SIPA1L1: variants seen among roughly 807,000 people sequenced by gnomAD.
The protein encoded by SIPA1L1 is signal-induced proliferation-associated 1-like protein 1.
In SIPA1L1, 26 loss-of-function variants were observed where a neutral mutation model predicts 162.7. The observed-to-expected ratio is 0.16, with a 90% CI of 0.12 to 0.22. The LOEUF is 0.22. SIPA1L1 is among the 10% of genes least tolerant of loss of function. SIPA1L1 has a pLI of 1.00. For missense variants in SIPA1L1, 1,874 were observed against 2,241.0 expected (o/e 0.84, Z 3.31); for synonymous variants, 829 against 837.4 (o/e 0.99, Z 0.17).
chr14:71,731,816 T>G (rs1449094882), intron 20 of SIPA1L1, among the ~76,000 whole-genome samples: 2 of 152,196 alleles, frequency 1.3e-5, no homozygotes, highest in African/African-American at 4.8e-5. Context: ...GCCCCTTCCC[T>G]TCACTTTTTC....
At chr14:71,717,043 G>T (rs1427165641) in intron 17 of SIPA1L1, among the ~76,000 whole-genome samples, 6 of 152,312 alleles carry the variant, frequency 3.9e-5, no homozygotes, top group African/African-American at 1.4e-4. Flanking sequence ...GGGACTACAG[G>T]TGCATGCCTT....
intron 7 of SIPA1L1, among the ~76,000 whole-genome samples, chr14:71,637,376 T>A (rs2041268466): frequency 6.6e-6 from 1 of 152,154 alleles, no homozygotes; most frequent in Middle Eastern, 3.2e-3. Flanking sequence ...TTACATTGTA[T>A]TGTCATAATC....
intron 13 of SIPA1L1, among the ~76,000 whole-genome samples, chr14:71,686,224 A>T (rs1596976808): frequency 6.6e-6 from 1 of 152,334 alleles, no homozygotes; most frequent in East Asian, 1.9e-4. Context: ...GAGGGGTCCT[A>T]GAAAGTAAGA....
intron 17 of SIPA1L1, among the ~76,000 whole-genome samples, chr14:71,713,227 C>T (rs140629066): frequency 2.1e-4 from 32 of 152,246 alleles, no homozygotes; most frequent in African/African-American, 7.5e-4. Context: ...TGTTTTTTGC[C>T]TGATGACTCA....
intron 4 of SIPA1L1, among the ~76,000 whole-genome samples, chr14:71,585,866 T>C (rs542656844): frequency 1.3e-5 from 2 of 152,360 alleles, no homozygotes; most frequent in Non-Finnish European, 2.9e-5. Flanking sequence ...TGTTCAATTT[T>C]CCTTCCATTT....
At chr14:71,326,715 CTT>C (rs34173331) in intron 2 of SIPA1L1, among the ~76,000 whole-genome samples, 16 of 107,426 alleles carry the variant, frequency 1.5e-4, no homozygotes, top group Non-Finnish European at 2.1e-4. Context: ...ATGTAATTTG[CTT>C]TTTTTTTTTT....
At chr14:71,329,067 C>T (rs2034188582) in intron 2 of SIPA1L1, among the ~76,000 whole-genome samples, 1 of 152,104 alleles carries the variant, frequency 6.6e-6, no homozygotes, top group Admixed American at 6.5e-5. Flanking sequence ...GCATAAAATC[C>T]TCAAGGTTCA....
intron 2 of SIPA1L1, among the ~76,000 whole-genome samples, chr14:71,477,282 T>G (rs140023480): frequency 6.6e-4 from 101 of 152,232 alleles, no homozygotes; most frequent in African/African-American, 2.3e-3. Flanking sequence ...AAAGTTCTTT[T>G]ATGTTATACT....
chr14:71,348,426 C>T (rs1488989965), intron 2 of SIPA1L1, among the ~76,000 whole-genome samples: 2 of 152,052 alleles, frequency 1.3e-5, no homozygotes, highest in African/African-American at 4.8e-5. Context: ...CATGTATTTC[C>T]TGTAGTTCAT....
chr14:71,421,151 G>A (rs2877729), intron 2 of SIPA1L1, among the ~76,000 whole-genome samples: 24,885 of 152,078 alleles, frequency 0.16, 2,651 homozygotes, highest in Middle Eastern at 0.35. Flanking sequence ...ATCATATTGC[G>A]CATACTGTTT....
At chr14:71,361,387 T>C (rs2037799768) in intron 2 of SIPA1L1, among the ~76,000 whole-genome samples, 1 of 152,184 alleles carries the variant, frequency 6.6e-6, no homozygotes, top group South Asian at 2.1e-4. Context: ...GTTCATGATA[T>C]GCTTAGTGCT....
At chr14:71,469,750 T>G (rs1198688095) in intron 2 of SIPA1L1, among the ~76,000 whole-genome samples, 1 of 152,234 alleles carries the variant, frequency 6.6e-6, no homozygotes, top group Non-Finnish European at 1.5e-5. Context: ...GCAGTGTTTA[T>G]GAGGAGTAAA....
At chr14:71,633,568 C>G (rs189975443) in intron 7 of SIPA1L1, among the ~76,000 whole-genome samples, 5 of 152,146 alleles carry the variant, frequency 3.3e-5, no homozygotes, top group African/African-American at 1.2e-4. Flanking sequence ...AAAAATAGAA[C>G]AGTCAAAATG....
At chr14:71,589,578 T>C (rs764690601) in intron 5 of SIPA1L1, among the ~76,000 whole-genome samples, 9 of 152,202 alleles carry the variant, frequency 5.9e-5, no homozygotes, top group Non-Finnish European at 1.2e-4. Flanking sequence ...ATAAATGTCT[T>C]GTATGTTAAA....
intron 7 of SIPA1L1, among the ~76,000 whole-genome samples, chr14:71,631,001 T>G (rs1360316954): frequency 6.6e-6 from 1 of 152,048 alleles, no homozygotes; most frequent in Non-Finnish European, 1.5e-5. Context: ...TAGGCATTTC[T>G]CCCAATGCTA....
At chr14:71,623,845 G>C (rs2039698208) in intron 6 of SIPA1L1, among the ~76,000 whole-genome samples, 1 of 152,048 alleles carries the variant, frequency 6.6e-6, no homozygotes, top group Non-Finnish European at 1.5e-5. Context: ...GACCCACCCT[G>C]GTCTTGAAAG....
chr14:71,404,910 C>A (rs1156364063), intron 2 of SIPA1L1, among the ~76,000 whole-genome samples: 1 of 152,224 alleles, frequency 6.6e-6, no homozygotes, highest in East Asian at 1.9e-4. Context: ...CCATACCGAT[C>A]TGCAAATGTT....
intron 2 of SIPA1L1, among the ~76,000 whole-genome samples, chr14:71,393,651 C>T (rs1286753006): frequency 6.6e-6 from 1 of 152,022 alleles, no homozygotes. Flanking sequence ...CTATCTTCCC[C>T]ACACCCCACC....
rs542857998 is a variant in SIPA1L1, at chr14:71,514,248, C to T, written c.-362+1403C>T. The stretch of plus-strand genomic sequence containing the variant: ...TTAGCATACTTCCAGGGTCTGGCGT[C>T]CTTTCTGCCCTGATTCTTCCCTTGG... On this transcript the variant is annotated intron_variant, in intron 3 of 23. Coordinates refer to ENST00000381232, the MANE Select transcript of SIPA1L1 (RefSeq NM_001386936.1). 7.9e-5 allele frequency among the ~76,000 whole-genome samples: 12 copies of T among 152,274 alleles called. No individual in the cohort carries two copies. The East Asian group carries it at 2.3e-3, about 29-fold the overall frequency.
Sources: allele counts gnomAD v4.1 joint callset (sites outside exome capture counted in the v4.1 genomes callset), GRCh38; gene constraint gnomAD v4.1.1; transcripts MANE v1.5; gene names NCBI Gene and HGNC (gene_info 2026-07-23, HGNC 2026-07-21).